PDE4D: variants seen among roughly 807,000 people sequenced by gnomAD.
PDE4D encodes phosphodiesterase 4D.
Under a neutral mutation model 87.4 loss-of-function variants are expected in PDE4D, and 24 were observed. That is an observed-to-expected ratio of 0.27 (90% CI 0.20 to 0.39). The LOEUF (loss-of-function observed/expected upper bound fraction) is 0.39, where lower values mean the gene tolerates loss of function less well. PDE4D is among the 10% of genes least tolerant of loss of function. The pLI is 1.00. For synonymous variants in PDE4D, 384 were observed against 383.2 expected, an observed-to-expected ratio of 1.00 and a Z score of -0.02; for missense variants, 714 against 1,041.0, an observed-to-expected ratio of 0.69 and a Z score of 4.32.
At chr5:59,598,355 A>G (rs759909176) in intron 1 of PDE4D, among the ~76,000 whole-genome samples, 2 of 152,146 alleles carry the variant, frequency 1.3e-5, no homozygotes, top group Non-Finnish European at 2.9e-5. Flanking sequence ...CTGGAGCAAA[A>G]ATAAAAAGCA....
chr5:60,417,780 C>T (rs762926467), intron 1 of PDE4D, among the ~76,000 whole-genome samples: 1 of 151,906 alleles, frequency 6.6e-6, no homozygotes, highest in East Asian at 1.9e-4. Context: ...AGTACAACAT[C>T]GTGTTGGGAC....
chr5:60,228,863 C>T (rs1375430867), intron 1 of PDE4D, among the ~76,000 whole-genome samples: 2 of 151,992 alleles, frequency 1.3e-5, no homozygotes, highest in African/African-American at 4.8e-5. Flanking sequence ...AACCTGCCTG[C>T]TAAATACAGC....
At chr5:59,872,616 C>G (rs1377589764) in intron 1 of PDE4D, among the ~76,000 whole-genome samples, 1 of 152,152 alleles carries the variant, frequency 6.6e-6, no homozygotes, top group East Asian at 1.9e-4. Context: ...TCTTTCTCCT[C>G]CCTTTTGCTA....
At chr5:59,133,150 T>A (rs894981819) in intron 5 of PDE4D, among the ~76,000 whole-genome samples, 1 of 152,128 alleles carries the variant, frequency 6.6e-6, no homozygotes, top group African/African-American at 2.4e-5. Flanking sequence ...GTCACATGCA[T>A]GAAACACAAA....
chr5:60,504,134 A>G (rs1177651666), intron 1 of PDE4D, among the ~76,000 whole-genome samples: 3 of 152,162 alleles, frequency 2.0e-5, no homozygotes, highest in Non-Finnish European at 4.4e-5. Flanking sequence ...ATGTTATTAA[A>G]TCCATTTCAA....
chr5:59,632,869 C>G (rs1376534493), intron 1 of PDE4D, among the ~76,000 whole-genome samples: 2 of 152,160 alleles, frequency 1.3e-5, no homozygotes, highest in East Asian at 3.9e-4. Flanking sequence ...GGGAACAAAA[C>G]TGGACAGAAA....
At position 59,952,053 on chromosome 5, in the gene PDE4D, G is replaced by C. The variant is rs149697047; in HGVS notation, c.272+36435C>G. ...GGGAAAGACCAGGTAGAAGTAACTG[G>C]ATCATGGGGGCAGTTTCCCCCATCC... On this transcript the variant is annotated intron_variant, in intron 3 of 16. Coordinates refer to the PDE4D transcript ENST00000502484. 1.9e-4 allele frequency among the ~76,000 whole-genome samples: 29 copies of C among 152,210 alleles called. No individual in the cohort carries two copies. In the East Asian group the frequency reaches 5.2e-3, roughly 27 times the overall value.
chr5:59,148,754 G>GGGGTGT (rs71578631), intron 5 of PDE4D, among the ~76,000 whole-genome samples: 2 of 145,594 alleles, frequency 1.4e-5, no homozygotes, highest in Middle Eastern at 3.5e-3. Context: ...AATATATAGC[G>GGGGTGT]GTGTGTGTGT....
intron 1 of PDE4D, among the ~76,000 whole-genome samples, chr5:59,466,129 GAAGA>G (rs1235283430): frequency 3.9e-5 from 6 of 152,160 alleles, no homozygotes; most frequent in African/African-American, 1.4e-4. Context: ...AACAAAACCT[GAAGA>G]AAGTAATACA....
At chr5:60,044,834 T>A (rs1222418826) in intron 2 of PDE4D, among the ~76,000 whole-genome samples, 1 of 152,186 alleles carries the variant, frequency 6.6e-6, no homozygotes, top group Non-Finnish European at 1.5e-5. Flanking sequence ...TACGTGTGCA[T>A]GTGTCTTTAT....
At chr5:59,748,946 C>T (rs1412766839) in intron 1 of PDE4D, among the ~76,000 whole-genome samples, 1 of 152,224 alleles carries the variant, frequency 6.6e-6, no homozygotes, top group African/African-American at 2.4e-5. Context: ...GTCCCAGATA[C>T]AGCTTCAGAT....
chr5:59,087,463 G>C (rs1476913011), intron 5 of PDE4D, among the ~76,000 whole-genome samples: 2 of 152,102 alleles, frequency 1.3e-5, no homozygotes, highest in South Asian at 2.1e-4. Flanking sequence ...CAGCCTGGGT[G>C]ACAGAGCAAG....
chr5:59,111,119 A>G (rs550814975), intron 5 of PDE4D, among the ~76,000 whole-genome samples: 3 of 152,256 alleles, frequency 2.0e-5, no homozygotes, highest in South Asian at 2.1e-4. Flanking sequence ...ACCTCTATCC[A>G]TATGCTGTGA....
intron 1 of PDE4D, among the ~76,000 whole-genome samples, chr5:60,410,319 C>G (rs1741939990): frequency 6.6e-6 from 1 of 152,038 alleles, no homozygotes. Flanking sequence ...TCTCTCCCAC[C>G]AAGAGGCTGC....
intron 1 of PDE4D, among the ~76,000 whole-genome samples, chr5:59,436,289 A>G (rs1435335515): frequency 6.6e-6 from 1 of 152,206 alleles, no homozygotes; most frequent in East Asian, 1.9e-4. Flanking sequence ...ACAAAATAAT[A>G]AAAAGATGTA....
intron 1 of PDE4D, among the ~76,000 whole-genome samples, chr5:59,678,796 T>C (rs939954827): frequency 1.3e-5 from 2 of 152,120 alleles, no homozygotes; most frequent in African/African-American, 4.8e-5. Context: ...TCCTTTACTA[T>C]TATCAACTCA....
intron 1 of PDE4D, among the ~76,000 whole-genome samples, chr5:60,472,373 C>T (rs1199070922): frequency 2.6e-5 from 4 of 152,146 alleles, no homozygotes; most frequent in Non-Finnish European, 5.9e-5. Flanking sequence ...CACCGGAGTT[C>T]CTACTCTTGA....
chr5:59,575,121 A>G (rs202161905), intron 1 of PDE4D, among the ~76,000 whole-genome samples: 3 of 152,320 alleles, frequency 2.0e-5, no homozygotes, highest in East Asian at 1.9e-4. Context: ...GCTGTATTAC[A>G]TATAATACAA....
At chr5:59,097,258 G>T (rs1230636128) in intron 5 of PDE4D, among the ~76,000 whole-genome samples, 1 of 152,160 alleles carries the variant, frequency 6.6e-6, no homozygotes, top group African/African-American at 2.4e-5. Context: ...AAGACTGTTT[G>T]GGTAATTTAT....
Sources: gnomAD v4.1 joint callset for allele counts (sites outside exome capture counted in the v4.1 genomes callset) on GRCh38, gnomAD v4.1.1 for gene constraint, MANE v1.5 for transcripts, NCBI Gene and HGNC (gene_info 2026-07-23, HGNC 2026-07-21) for gene names.